The following LHFPL3 variants were observed in gnomAD, a reference collection of about 807,000 sequenced individuals.
LHFPL3 encodes LHFPL tetraspan subfamily member 3.
A neutral mutation model predicts 19.3 loss-of-function variants in LHFPL3; 5 were observed. The ratio of observed to expected loss-of-function variants is 0.26; its 90% CI spans 0.14 to 0.54. LHFPL3 has a LOEUF of 0.54. Ranked by LOEUF, LHFPL3 falls within the 20% of genes least tolerant of loss-of-function variation. The pLI is 0.94. For synonymous variants in LHFPL3, 133 were observed against 126.2 expected, an observed-to-expected ratio of 1.05 and a Z score of -0.36; for missense variants, 249 against 307.4, an observed-to-expected ratio of 0.81 and a Z score of 1.42.
chr7:104,727,564 C>T (rs977724433), intron 1 of LHFPL3, among the ~76,000 whole-genome samples: 6 of 151,990 alleles, frequency 3.9e-5, no homozygotes, highest in African/African-American at 1.2e-4. Flanking sequence ...AAAAGTAACC[C>T]GGACCCTAAG....
intron 1 of LHFPL3, among the ~76,000 whole-genome samples, chr7:104,569,718 G>T (rs1790191027): frequency 6.6e-6 from 1 of 152,010 alleles, no homozygotes; most frequent in South Asian, 2.1e-4. Context: ...ATGTCATTTA[G>T]TTCTGACAGC....
At chr7:104,344,581 A>C (rs558310063) in intron 1 of LHFPL3, among the ~76,000 whole-genome samples, 181 of 152,328 alleles carry the variant, frequency 1.2e-3, no homozygotes, top group Non-Finnish European at 2.1e-3. Context: ...AAGTTGCTGC[A>C]AAAGACATTA....
chr7:104,527,633 C>A (rs1794215776), intron 1 of LHFPL3, among the ~76,000 whole-genome samples: 2 of 152,208 alleles, frequency 1.3e-5, no homozygotes, highest in South Asian at 4.2e-4. Flanking sequence ...CGGTAATGAT[C>A]TGTGAGAAAG....
At chr7:104,470,829 A>C (rs1792892661) in intron 1 of LHFPL3, among the ~76,000 whole-genome samples, 1 of 152,064 alleles carries the variant, frequency 6.6e-6, no homozygotes, top group African/African-American at 2.4e-5. Flanking sequence ...TGGCTTTTCC[A>C]TCTCTTCCCT....
chr7:104,755,668 T>C (rs1794270306), intron 2 of LHFPL3, among the ~76,000 whole-genome samples: 1 of 151,714 alleles, frequency 6.6e-6, no homozygotes. Flanking sequence ...AGTTTTTTGG[T>C]GTTTGTTTGT....
intron 1 of LHFPL3, among the ~76,000 whole-genome samples, chr7:104,582,437 C>G (rs1181028097): frequency 1.3e-5 from 2 of 151,950 alleles, no homozygotes; most frequent in African/African-American, 4.8e-5. Flanking sequence ...CCCTTCTTTT[C>G]AATCTCTTTG....
intron 1 of LHFPL3, among the ~76,000 whole-genome samples, chr7:104,433,721 T>C (rs17137635): frequency 0.044 from 6,636 of 152,256 alleles, 507 homozygotes; most frequent in African/African-American, 0.15. Flanking sequence ...TGTCTTGAGC[T>C]TTGCCTAAAA....
rs571156309 is a variant in LHFPL3, at chr7:104,703,129, T to G, written c.446-33546T>G. ...TTGTTATCTTTTTATTGTTTATTTC[T>G]GGTCTTTTCAAATCAAGATGTAGCT... On this transcript the variant is annotated intron_variant, in intron 1 of 2. Transcript: ENST00000424859. Among the ~76,000 whole-genome samples the G allele has an allele frequency of 5.3e-5, 8 of 152,376 alleles. 1 individual carries two copies. Among genetic ancestry groups the G allele is most frequent in the Admixed American group, 5.2e-4 (8 of 15,306 alleles).
At chr7:104,645,036 A>G (rs73713017) in intron 1 of LHFPL3, among the ~76,000 whole-genome samples, 1 of 152,218 alleles carries the variant, frequency 6.6e-6, no homozygotes, top group Admixed American at 6.5e-5. Flanking sequence ...TGTTCCCAAC[A>G]TAACCAAGAG....
chr7:104,874,489 G>A (rs533534024), intron 2 of LHFPL3, among the ~76,000 whole-genome samples: 144 of 151,362 alleles, frequency 9.5e-4, no homozygotes, highest in Non-Finnish European at 1.4e-3. Context: ...CCGTCTCCAC[G>A]GTTCAAGCAA....
chr7:104,477,239 C>T (rs777078169), intron 1 of LHFPL3, among the ~76,000 whole-genome samples: 5 of 152,290 alleles, frequency 3.3e-5, no homozygotes, highest in Non-Finnish European at 7.4e-5. Flanking sequence ...GATCCTTCTG[C>T]CTCAACCTCC....
chr7:104,791,023 T>C (rs914773665), intron 2 of LHFPL3, among the ~76,000 whole-genome samples: 2 of 152,262 alleles, frequency 1.3e-5, no homozygotes, highest in African/African-American at 4.8e-5. Context: ...CCACAAACTT[T>C]AGTCTTTAAC....
At chr7:104,636,095 A>G (rs1401067313) in intron 1 of LHFPL3, among the ~76,000 whole-genome samples, 1 of 152,204 alleles carries the variant, frequency 6.6e-6, no homozygotes, top group Non-Finnish European at 1.5e-5. Flanking sequence ...CAATTTTTGC[A>G]TAGTCTTTAT....
chr7:104,796,112 T>A (rs575309019), intron 2 of LHFPL3, among the ~76,000 whole-genome samples: 1 of 152,318 alleles, frequency 6.6e-6, no homozygotes, highest in Non-Finnish European at 1.5e-5. Context: ...CAGCTTTAAA[T>A]CAGCTTGCTG....
chr7:104,762,359 A>G (rs937799826), intron 2 of LHFPL3, among the ~76,000 whole-genome samples: 4 of 152,216 alleles, frequency 2.6e-5, no homozygotes, highest in African/African-American at 9.6e-5. Flanking sequence ...GTCATGACCA[A>G]TGAAAGGGTG....
At chr7:104,740,257 A>G (rs926194150) in intron 2 of LHFPL3, among the ~76,000 whole-genome samples, 1 of 152,208 alleles carries the variant, frequency 6.6e-6, no homozygotes, top group Non-Finnish European at 1.5e-5. Context: ...GAAGTTCTTC[A>G]TAGCAGCATG....
intron 2 of LHFPL3, among the ~76,000 whole-genome samples, chr7:104,904,077 C>T (rs907003983): frequency 2.9e-4 from 44 of 152,284 alleles, no homozygotes; most frequent in African/African-American, 1.0e-3. Flanking sequence ...TTCCGTAGGG[C>T]TTCTGCCAGC....
intron 1 of LHFPL3, among the ~76,000 whole-genome samples, chr7:104,619,126 G>A (rs1191426873): frequency 6.6e-6 from 1 of 152,158 alleles, no homozygotes; most frequent in Non-Finnish European, 1.5e-5. Flanking sequence ...TTTTAAAACT[G>A]TTGATTTTGT....
At chr7:104,448,531 T>C (rs1015496207) in intron 1 of LHFPL3, among the ~76,000 whole-genome samples, 1 of 152,258 alleles carries the variant, frequency 6.6e-6, no homozygotes, top group African/African-American at 2.4e-5. Flanking sequence ...TGTTATTTTG[T>C]TGATAGCCTG....
Sources: gnomAD v4.1 joint callset for allele counts (sites outside exome capture counted in the v4.1 genomes callset) on GRCh38, gnomAD v4.1.1 for gene constraint, MANE v1.5 for transcripts, NCBI Gene and HGNC (gene_info 2026-07-23, HGNC 2026-07-21) for gene names.